FRMD4B: variants seen among roughly 807,000 people sequenced by gnomAD.
The protein encoded by FRMD4B is FERM domain-containing protein 4B.
In FRMD4B, 74 loss-of-function variants were observed where a neutral mutation model predicts 141.5. The ratio of observed to expected loss-of-function variants is 0.52; its 90% CI spans 0.43 to 0.63. The LOEUF (loss-of-function observed/expected upper bound fraction) is 0.63. Ranked by LOEUF, FRMD4B falls within the 30% of genes least tolerant of loss-of-function variation. The pLI is 0.00. For synonymous variants in FRMD4B, 506 were observed against 467.9 expected, an observed-to-expected ratio of 1.08 and a Z score of -1.05; for missense variants, 1,366 against 1,253.4, an observed-to-expected ratio of 1.09 and a Z score of -1.36.
At chr3:69,334,913 C>T (rs1575740900) in intron 1 of FRMD4B, among the ~76,000 whole-genome samples, 1 of 152,196 alleles carries the variant, frequency 6.6e-6, no homozygotes, top group East Asian at 1.9e-4. Flanking sequence ...AATCAAGCAA[C>T]ACACAGGGTG....
At position 69,265,150 on chromosome 3, in the gene FRMD4B, G is replaced by A. The variant is rs549689413; in HGVS notation, c.502-15051C>T. The stretch of plus-strand genomic sequence containing the variant: ...GGCGCCTGTAGTCCCAGCTACTCGG[G>A]AGGCTGAGGCAGGAGAATTGCTTGA... On this transcript the variant is annotated intron_variant, in intron 5 of 22. Transcript: ENST00000398540. Among the ~76,000 whole-genome samples, 546 of 148,298 alleles carry A rather than the reference G, an allele frequency of 3.7e-3. 4 individuals carry two copies. The highest frequency in any genetic ancestry group is 0.013 in the African/African-American group (527 of 40,308).
chr3:69,481,021 G>A (rs35599441), intron 1 of FRMD4B, among the ~76,000 whole-genome samples: 28,082 of 152,124 alleles, frequency 0.18, 2,836 homozygotes, highest in Non-Finnish European at 0.23. Context: ...AGCCATGTGC[G>A]GGATATAATC....
chr3:69,498,778 A>T (rs557736907), intron 1 of FRMD4B, among the ~76,000 whole-genome samples: 1 of 152,186 alleles, frequency 6.6e-6, no homozygotes, highest in Non-Finnish European at 1.5e-5. Flanking sequence ...ACGGGCTCAC[A>T]GGCACTCATT....
At chr3:69,282,364 C>G (rs113290960) in intron 5 of FRMD4B, among the ~76,000 whole-genome samples, 3,976 of 152,212 alleles carry the variant, frequency 0.026, 66 homozygotes, top group Non-Finnish European at 0.04. Flanking sequence ...GGCCCGTTCA[C>G]TTTCAGATCT....
At chr3:69,265,268 AAATATATATATATATAT>A (rs1424848046) in intron 5 of FRMD4B, among the ~76,000 whole-genome samples, 1,551 of 28,846 alleles carry the variant, frequency 0.054, 286 homozygotes, top group African/African-American at 0.099. Flanking sequence ...AAAAAAAAAA[AAATATATATATATATAT>A]ATATATATAT....
At chr3:69,361,311 T>C (rs1346545401) in intron 1 of FRMD4B, among the ~76,000 whole-genome samples, 4 of 152,208 alleles carry the variant, frequency 2.6e-5, no homozygotes, top group Non-Finnish European at 5.9e-5. Context: ...CCTTGCTACC[T>C]GGGATAAAAA....
intron 1 of FRMD4B, among the ~76,000 whole-genome samples, chr3:69,508,620 G>A (rs904419): frequency 0.59 from 90,339 of 152,066 alleles, 28,774 homozygotes; most frequent in African/African-American, 0.85. Flanking sequence ...CCCAGATAAA[G>A]CTTGGAGGAA....
chr3:69,214,924 G>C (rs1047541035), intron 11 of FRMD4B, among the ~76,000 whole-genome samples: 2 of 151,954 alleles, frequency 1.3e-5, no homozygotes, highest in Non-Finnish European at 2.9e-5. Flanking sequence ...CTGTCGCCCA[G>C]GCTGAAGTGC....
At chr3:69,397,236 A>C (rs1704488478) in intron 2 of FRMD4B, among the ~76,000 whole-genome samples, 1 of 152,242 alleles carries the variant, frequency 6.6e-6, no homozygotes, top group South Asian at 2.1e-4. Context: ...TGAAAACATA[A>C]TGTCAAGTAA....
chr3:69,390,390 A>G (rs1704355598), upstream of FRMD4B, among the ~76,000 whole-genome samples: 1 of 152,154 alleles, frequency 6.6e-6, no homozygotes, highest in Non-Finnish European at 1.5e-5. Flanking sequence ...ACCGGGGGCA[A>G]TTTTATACCT....
rs1411118617 is a variant in FRMD4B, at chr3:69,540,652, T to TAC, written c.-129+1553_-129+1554insGT. On this transcript the variant is annotated intron_variant, in intron 1 of 5. Coordinates refer to the FRMD4B transcript ENST00000459638. ...AAAAAAAAAAATATATATATATATA[T>TAC]ATATATATACACACACACACACACA... Among the ~76,000 whole-genome samples the TAC allele has an allele frequency of 8.4e-3, 688 of 81,956 alleles. 12 individuals carry two copies. Among genetic ancestry groups the TAC allele is most frequent in the East Asian group, 0.017 (51 of 2,942 alleles). The allele number at this position is 81,956 out of a possible 152,430, so 53.8% of individuals were successfully genotyped here.
intron 2 of FRMD4B, among the ~76,000 whole-genome samples, chr3:69,410,749 A>ATATG (rs1553640987): frequency 1.1e-4 from 2 of 18,678 alleles, no homozygotes; most frequent in Non-Finnish European, 2.5e-4. Flanking sequence ...ATATATATAT[A>ATATG]TATATATATA....
Position 69,170,299 on chromosome 3 carries a change from T to TA in FRMD4B, c.*1561dup, listed in dbSNP as rs1250071686. ...CACACCTTTTGTTTATTGACCTATG[T>TA]AAAAAAATAATAGGTCTTGAAAAGT... On this transcript the variant is annotated 3_prime_UTR_variant, in exon 23 of 23. Coordinates refer to ENST00000398540, the MANE Select transcript of FRMD4B (RefSeq NM_015123.3). 6.6e-6 allele frequency: 1 copy of TA among 152,058 alleles called. No homozygotes were observed. The highest frequency in any genetic ancestry group is 2.4e-5 in the African/African-American group (1 of 41,406). 9.4% of individuals were successfully genotyped at this position (152,058 alleles called of 1,614,324 possible). A position where few individuals can be genotyped will look rare whatever the true frequency, so the allele number is the denominator to read the frequency against.
intron 9 of FRMD4B, among the ~76,000 whole-genome samples, chr3:69,221,022 G>A (rs558898930): frequency 1.7e-4 from 26 of 151,882 alleles, no homozygotes; most frequent in African/African-American, 5.6e-4. Flanking sequence ...GAGTGCAATG[G>A]TGCAATCACG....
At chr3:69,181,859 T>C (rs957301773) in intron 20 of FRMD4B, 149 bp from the exon 21 acceptor site, 60 of 602,620 alleles carry the variant, frequency 1.0e-4, no homozygotes, top group Non-Finnish European at 1.4e-4. Flanking sequence ...TAGAATCCAT[T>C]GTTCTCCAAA....
intron 1 of FRMD4B, among the ~76,000 whole-genome samples, chr3:69,468,314 T>C (rs1264737636): frequency 6.6e-6 from 1 of 152,330 alleles, no homozygotes; most frequent in Non-Finnish European, 1.5e-5. Context: ...TTTTCATTTA[T>C]ATTTTTCAGA....
intron 1 of FRMD4B, among the ~76,000 whole-genome samples, chr3:69,445,925 G>T (rs1705404228): frequency 6.6e-6 from 1 of 152,192 alleles, no homozygotes; most frequent in Non-Finnish European, 1.5e-5. Flanking sequence ...AGAGGAGGGA[G>T]ATATTGCTTT....
At chr3:69,226,433 T>C (rs2093255065) in intron 7 of FRMD4B, among the ~76,000 whole-genome samples, 1 of 152,144 alleles carries the variant, frequency 6.6e-6, no homozygotes, top group Non-Finnish European at 1.5e-5. Flanking sequence ...TACTTTTTTT[T>C]TTTTTTCCAA....
chr3:69,311,190 T>G, intron 3 of FRMD4B, 73 bp downstream of exon 3: 2 of 677,180 alleles, frequency 3.0e-6, no homozygotes, highest in Admixed American at 2.6e-5. Context: ...TTTCCTTTTT[T>G]GTTAATTATG....
Sources: gnomAD v4.1 joint callset for allele counts (sites outside exome capture counted in the v4.1 genomes callset) on GRCh38, gnomAD v4.1.1 for gene constraint, MANE v1.5 for transcripts, NCBI Gene and HGNC (gene_info 2026-07-23, HGNC 2026-07-21) for gene names.